Variants in SLC39A10 observed in about 807,000 individuals in gnomAD.
SLC39A10 encodes the protein solute carrier family 39 member 10.
A neutral mutation model predicts 65.1 loss-of-function variants in SLC39A10; 13 were observed. The observed-to-expected ratio is 0.20, with a 90% CI of 0.13 to 0.32. The LOEUF is 0.32. Ranked by LOEUF, SLC39A10 falls within the 10% of genes least tolerant of loss-of-function variation. The pLI is 1.00. For missense variants in SLC39A10, 831 were observed against 1,018.4 expected, an observed-to-expected ratio of 0.82 and a Z score of 2.50; for synonymous variants, 321 against 342.2, an observed-to-expected ratio of 0.94 and a Z score of 0.68.
rs34116515 is a variant in SLC39A10, at chr2:195,690,173, GAAAAAAAA to G, written c.1216+6286_1216+6293del. ...ACTGGGCAACAGAGTGAGACTCTCT[GAAAAAAAA>G]AAAAAAAAAAAAAAAAAAGAAAGAA... On this transcript the variant is annotated intron_variant, in intron 3 of 9. Transcript: ENST00000359634. 4.4e-4 allele frequency among the ~76,000 whole-genome samples: 27 copies of G among 61,150 alleles called. 1 individual carries two copies. The highest frequency in any genetic ancestry group is 1.1e-3 in the Admixed American group (4 of 3,752). The allele number at this position is 61,150 out of a possible 152,430, so 40.1% of individuals were successfully genotyped here.
intron 8 of SLC39A10, among the ~76,000 whole-genome samples, chr2:195,726,516 C>T (rs764401523): frequency 6.6e-5 from 10 of 151,820 alleles, no homozygotes; most frequent in South Asian, 2.1e-4. Flanking sequence ...ATATTAAATC[C>T]GGGTCTCAGC....
chr2:195,641,716 C>T (rs182418899), intron 2 of SLC39A10, among the ~76,000 whole-genome samples: 245 of 137,786 alleles, frequency 1.8e-3, no homozygotes, highest in African/African-American at 5.2e-3. Flanking sequence ...GTTGGAGTCT[C>T]GCTCTGGGAG....
intron 1 of SLC39A10, among the ~76,000 whole-genome samples, chr2:195,659,566 C>G (rs1276410412): frequency 3.9e-5 from 6 of 152,054 alleles, no homozygotes; most frequent in Non-Finnish European, 8.8e-5. Flanking sequence ...TTCACCCAAC[C>G]CTTCTACCCT....
At chr2:195,617,943 G>T (rs1462653054) in intron 2 of SLC39A10, among the ~76,000 whole-genome samples, 2 of 149,266 alleles carry the variant, frequency 1.3e-5, no homozygotes, top group African/African-American at 2.4e-5. Context: ...GTTTCACCAT[G>T]TTAGCCAGGA....
intron 5 of SLC39A10, among the ~76,000 whole-genome samples, chr2:195,710,108 GC>G (rs1456015725): frequency 5.3e-5 from 8 of 152,170 alleles, no homozygotes; most frequent in African/African-American, 1.9e-4. Context: ...TGATGGTGAT[GC>G]AGCTGTCTGT....
At chr2:195,717,983 C>T (rs1424340246) in intron 7 of SLC39A10, among the ~76,000 whole-genome samples, 1 of 152,054 alleles carries the variant, frequency 6.6e-6, no homozygotes, top group Non-Finnish European at 1.5e-5. Context: ...TGTTACTATT[C>T]CCGAGATATT....
At chr2:195,618,799 A>G (rs1227401288) in intron 2 of SLC39A10, among the ~76,000 whole-genome samples, 1 of 152,138 alleles carries the variant, frequency 6.6e-6, no homozygotes, top group Admixed American at 6.5e-5. Flanking sequence ...ATGTGTTAAG[A>G]GAAAGGAAAG....
chr2:195,650,485 A>G (rs532186667), intron 2 of SLC39A10, among the ~76,000 whole-genome samples: 27 of 152,110 alleles, frequency 1.8e-4, no homozygotes, highest in African/African-American at 3.1e-4. Context: ...GCCATGGTCA[A>G]TCAGAGGCTT....
At chr2:195,666,373 CAA>C (rs371449599) in intron 1 of SLC39A10, among the ~76,000 whole-genome samples, 219 of 151,838 alleles carry the variant, frequency 1.4e-3, no homozygotes, top group African/African-American at 5.0e-3. Flanking sequence ...ATAACAGTGA[CAA>C]GACACTGAAA....
chr2:195,639,177 T>C (rs1330449624), intron 2 of SLC39A10, among the ~76,000 whole-genome samples: 1 of 151,936 alleles, frequency 6.6e-6, no homozygotes, highest in Non-Finnish European at 1.5e-5. Flanking sequence ...GTGGTGAACT[T>C]CTGGCTTCAA....
upstream of SLC39A10, chr2:195,657,223 G>T: frequency 4.6e-6 from 1 of 219,376 alleles, no homozygotes; most frequent in Non-Finnish European, 7.7e-6. Flanking sequence ...TACACGATTT[G>T]GTGCAGCCGG....
At chr2:195,724,596 C>A (rs1692169852) in intron 8 of SLC39A10, among the ~76,000 whole-genome samples, 1 of 152,026 alleles carries the variant, frequency 6.6e-6, no homozygotes, top group African/African-American at 2.4e-5. Context: ...ATAATAGCAT[C>A]AAAAATATGT....
chr2:195,641,114 T>G (rs1688804490), intron 2 of SLC39A10, among the ~76,000 whole-genome samples: 1 of 152,038 alleles, frequency 6.6e-6, no homozygotes, highest in South Asian at 2.1e-4. Context: ...GAGCGGGAGA[T>G]AAGTGGGCCA....
At chr2:195,619,295 T>C (rs896758405) in intron 2 of SLC39A10, among the ~76,000 whole-genome samples, 1 of 152,142 alleles carries the variant, frequency 6.6e-6, no homozygotes, top group African/African-American at 2.4e-5. Context: ...TCAGCAGGAC[T>C]TGGAAACCAA....
chr2:195,732,196 T>C (rs1464019583), intron 9 of SLC39A10, among the ~76,000 whole-genome samples: 1 of 152,144 alleles, frequency 6.6e-6, no homozygotes, highest in Non-Finnish European at 1.5e-5. Context: ...TGGAGAGCCA[T>C]GAAAAAGTTT....
At chr2:195,692,029 A>C (rs1424338968) in intron 3 of SLC39A10, among the ~76,000 whole-genome samples, 3 of 152,168 alleles carry the variant, frequency 2.0e-5, no homozygotes, top group Non-Finnish European at 4.4e-5. Context: ...TTTTTTTATA[A>C]GGTGAGAGCT....
rs1240841650 is a variant in SLC39A10, at chr2:195,735,300, G to T, written c.*259G>T. 1 of 282,498 alleles carries T rather than the reference G, an allele frequency of 3.5e-6. No individual in the cohort carries two copies. Among genetic ancestry groups the T allele is most frequent in the African/African-American group, 2.2e-5 (1 of 46,004 alleles). 17.5% of individuals were successfully genotyped at this position (282,498 alleles called of 1,614,324 possible). A position where few individuals can be genotyped will look rare whatever the true frequency, so the allele number is the denominator to read the frequency against. Reference sequence around the variant, plus strand: ...AACCAGTGTTGATATGTTTGATTAAGACTTTTCACAAAATAATCATATAAA... The same window carrying T: ...AACCAGTGTTGATATGTTTGATTAATACTTTTCACAAAATAATCATATAAA... On this transcript the variant is annotated 3_prime_UTR_variant, in exon 10 of 10. Coordinates refer to ENST00000359634, the MANE Select transcript of SLC39A10 (RefSeq NM_020342.3).
rs539828147 is a variant in SLC39A10 at position 195,735,639 on chromosome 2, A to G, written c.*598A>G. The stretch of plus-strand genomic sequence containing the variant: ...GAATCTAGAGTTACTATTTTTGTAT[A>G]TATTTGCATAGTGTTTAAACCTGCA... On this transcript the variant is annotated 3_prime_UTR_variant, in exon 10 of 10. Transcript: ENST00000359634. 1.3e-5 allele frequency: 2 copies of G among 152,706 alleles called. No individual in the cohort carries two copies. The highest frequency in any genetic ancestry group is 4.8e-5 in the African/African-American group (2 of 41,550). 9.5% of individuals were successfully genotyped at this position (152,706 alleles called of 1,614,324 possible).
chr2:195,671,280 T>C (rs1253796875), intron 1 of SLC39A10, among the ~76,000 whole-genome samples: 3 of 152,258 alleles, frequency 2.0e-5, no homozygotes, highest in East Asian at 3.8e-4. Flanking sequence ...GCAGAAATTA[T>C]ACAGTGATAG....
Sources: gnomAD v4.1 joint callset for allele counts (sites outside exome capture counted in the v4.1 genomes callset) on GRCh38, gnomAD v4.1.1 for gene constraint, MANE v1.5 for transcripts, NCBI Gene and HGNC (gene_info 2026-07-23, HGNC 2026-07-21) for gene names.